Variants in SAMD13 observed in about 807,000 individuals in gnomAD.
SAMD13 encodes the protein sterile alpha motif domain-containing protein 13.
SAMD13 carries 9 observed loss-of-function variants against 12.4 expected under a neutral mutation model. The observed-to-expected ratio is 0.72, with a 90% CI of 0.44 to 1.26. SAMD13 has a LOEUF of 1.26. SAMD13 is among the 50% of genes most tolerant of loss of function. The pLI is 0.00. For synonymous variants in SAMD13, 46 were observed against 45.4 expected (o/e 1.01, Z -0.05); for missense variants, 84 against 119.6 (o/e 0.70, Z 1.39).
At chr1:84,330,495 A>T (rs1050388212) in intron 3 of SAMD13, among the ~76,000 whole-genome samples, 1 of 152,208 alleles carries the variant, frequency 6.6e-6, no homozygotes, top group Non-Finnish European at 1.5e-5. Flanking sequence ...GTTCAAAAGC[A>T]TCCTTCCCTT....
intron 3 of SAMD13, among the ~76,000 whole-genome samples, chr1:84,339,893 G>T (rs77351454): frequency 0.01 from 1,529 of 152,314 alleles, 30 homozygotes; most frequent in African/African-American, 0.035. Flanking sequence ...ATTGAGGAAA[G>T]TTAAGTGAAG....
At position 84,331,605 on chromosome 1, in the gene SAMD13, A is replaced by G. The variant is rs578192640; in HGVS notation, c.165+5857A>G. 8.5e-5 allele frequency among the ~76,000 whole-genome samples: 13 copies of G among 152,286 alleles called. 1 individual carries two copies. Among genetic ancestry groups the G allele is most frequent in the East Asian group, 7.7e-4 (4 of 5,192 alleles). On this transcript the variant is annotated intron_variant, in intron 3 of 3. Transcript: ENST00000394834. ...AATGAACAGGGGAAGTGGCAACTCA[A>G]TCTCTGCTGATGTGTCCTTTCAACC...
intron 3 of SAMD13, among the ~76,000 whole-genome samples, chr1:84,343,358 A>G (rs1306671443): frequency 6.6e-6 from 1 of 152,258 alleles, no homozygotes; most frequent in Non-Finnish European, 1.5e-5. Flanking sequence ...TACTGGGTAT[A>G]TACCCAAAGG....
chr1:84,311,251 G>A (rs1489216759), intron 2 of SAMD13, among the ~76,000 whole-genome samples: 2 of 150,220 alleles, frequency 1.3e-5, no homozygotes, highest in Non-Finnish European at 2.9e-5. Context: ...CAGGAGAATC[G>A]CTTGAACCCA....
intron 2 of SAMD13, chr1:84,303,586 A>G (rs1678496924): frequency 4.3e-6 from 1 of 233,812 alleles, no homozygotes; most frequent in Non-Finnish European, 8.7e-6. Flanking sequence ...AAAAACTCCA[A>G]GCAGAGACTC....
At chr1:84,333,443 C>G (rs1213948658) in intron 3 of SAMD13, among the ~76,000 whole-genome samples, 1 of 151,944 alleles carries the variant, frequency 6.6e-6, no homozygotes, top group African/African-American at 2.4e-5. Context: ...TTAGCTGTAT[C>G]TCTAGGTATT....
chr1:84,307,577 G>A (rs1039858219), intron 2 of SAMD13, among the ~76,000 whole-genome samples: 2 of 152,078 alleles, frequency 1.3e-5, no homozygotes, highest in Admixed American at 6.6e-5. Context: ...TTGGATGCCT[G>A]GTAATTTTTG....
intron 3 of SAMD13, among the ~76,000 whole-genome samples, chr1:84,342,895 A>T (rs1355244658): frequency 1.3e-5 from 2 of 152,206 alleles, no homozygotes; most frequent in African/African-American, 4.8e-5. Flanking sequence ...ACCGCAAAAG[A>T]AACTATCATC....
intron 2 of SAMD13, among the ~76,000 whole-genome samples, chr1:84,309,463 T>C (rs144591756): frequency 8.1e-4 from 124 of 152,324 alleles, no homozygotes; most frequent in South Asian, 2.3e-3. Flanking sequence ...AATGTCATGC[T>C]GGACTCCTCT....
At chr1:84,325,804 C>A in intron 3 of SAMD13, 56 bp downstream of exon 3, 1 of 1,065,892 alleles carries the variant, frequency 9.4e-7, no homozygotes, top group Non-Finnish European at 1.5e-6. Flanking sequence ...CAGTTACCTC[C>A]CTTCCCAACA....
At position 84,349,765 on chromosome 1, in the gene SAMD13, C is replaced by T. The variant is rs1211194001; in HGVS notation, c.300C>T (p.Asn100=). 1 of 1,613,144 alleles carries T rather than the reference C, an allele frequency of 6.2e-7. No homozygotes were observed. Residue 100 remains asparagine, a synonymous_variant, in exon 4 of 4, where the codon AAC becomes AAT. Coordinates refer to ENST00000394834, the MANE Select transcript of SAMD13 (RefSeq NM_001134663.2). ...TGCAGACAAAGCATTTAAAGAACAA[C>T]TCTTCATAGTACAGTCAAATTGGGG... ...KPLQTKHLKN[N]SS
intron 2 of SAMD13, among the ~76,000 whole-genome samples, chr1:84,317,528 C>T (rs1678861504): frequency 6.6e-6 from 1 of 151,848 alleles, no homozygotes; most frequent in Non-Finnish European, 1.5e-5. Flanking sequence ...ATATGTTGAA[C>T]CGTCCTAGGA....
chr1:84,313,123 T>C (rs962808206), intron 2 of SAMD13, among the ~76,000 whole-genome samples: 1 of 152,178 alleles, frequency 6.6e-6, no homozygotes, highest in Admixed American at 6.6e-5. Flanking sequence ...ACAGTTTTTG[T>C]GCACATACTC....
chr1:84,316,027 A>T (rs1678825592), intron 2 of SAMD13, among the ~76,000 whole-genome samples: 1 of 152,016 alleles, frequency 6.6e-6, no homozygotes, highest in African/African-American at 2.4e-5. Context: ...CTTTTCAGAG[A>T]TATCTATTAT....
intron 2 of SAMD13, among the ~76,000 whole-genome samples, chr1:84,324,083 T>G (rs1343868802): frequency 6.6e-6 from 1 of 152,188 alleles, no homozygotes; most frequent in Non-Finnish European, 1.5e-5. Context: ...AACTCTCTTT[T>G]AAATCCACAC....
intron 3 of SAMD13, among the ~76,000 whole-genome samples, chr1:84,348,775 G>T (rs1056600611): frequency 1.3e-5 from 2 of 152,192 alleles, no homozygotes; most frequent in Admixed American, 6.5e-5. Flanking sequence ...TAAGGGTGCA[G>T]GGAATGGACT....
chr1:84,307,385 A>G (rs1189182510), intron 2 of SAMD13, among the ~76,000 whole-genome samples: 1 of 152,174 alleles, frequency 6.6e-6, no homozygotes, highest in Non-Finnish European at 1.5e-5. Context: ...TTCAATGTGG[A>G]TCTTTTTAAG....
chr1:84,344,440 G>T (rs1276425399), intron 3 of SAMD13, among the ~76,000 whole-genome samples: 1 of 152,152 alleles, frequency 6.6e-6, no homozygotes, highest in African/African-American at 2.4e-5. Context: ...TGAGCTCATA[G>T]TCACTCCACC....
In SAMD13 at chr1:84,350,550, C is replaced by A. The variant is rs983762465; in HGVS notation, c.*776C>A. 3.3e-5 allele frequency: 5 copies of A among 152,230 alleles called. No homozygotes were observed. Among genetic ancestry groups the A allele is most frequent in the South Asian group, 2.1e-4 (1 of 4,800 alleles). 9.4% of individuals were successfully genotyped at this position (152,230 alleles called of 1,614,324 possible). A position where few individuals can be genotyped will look rare whatever the true frequency, so the allele number is the denominator to read the frequency against. ...ATAATTTGTTTCTGAAGAAATTTGC[C>A]GAGAGTTACAGGTCAAAAAGCCTTG... On this transcript the variant is annotated 3_prime_UTR_variant, in exon 4 of 4. Transcript: ENST00000394834.
Sources: gnomAD v4.1 joint callset for allele counts (sites outside exome capture counted in the v4.1 genomes callset) on GRCh38, gnomAD v4.1.1 for gene constraint, MANE v1.5 for transcripts, NCBI Gene and HGNC (gene_info 2026-07-23, HGNC 2026-07-21) for gene names.